Variants in HHAT observed in about 807,000 individuals in gnomAD.
The protein encoded by HHAT is protein-cysteine N-palmitoyltransferase HHAT.
HHAT carries 47 observed loss-of-function variants against 70.8 expected under a neutral mutation model. The ratio of observed to expected loss-of-function variants is 0.66; its 90% CI spans 0.53 to 0.85. HHAT has a LOEUF of 0.85. Ranked by LOEUF, HHAT falls within the 40% of genes least tolerant of loss-of-function variation. The pLI, the probability that HHAT is intolerant of heterozygous loss-of-function variation, is 0.00. For synonymous variants in HHAT, 228 were observed against 247.6 expected (o/e 0.92, Z 0.74); for missense variants, 609 against 604.8 (o/e 1.01, Z -0.07).
At chr1:210,553,714 G>A (rs191773212) in intron 9 of HHAT, among the ~76,000 whole-genome samples, 1 of 152,198 alleles carries the variant, frequency 6.6e-6, no homozygotes, top group African/African-American at 2.4e-5. Flanking sequence ...TTTATCCGTG[G>A]ACCTCAGCCT....
intron 6 of HHAT, among the ~76,000 whole-genome samples, chr1:210,408,474 T>A (rs556715627): frequency 2.6e-5 from 4 of 152,194 alleles, no homozygotes; most frequent in Non-Finnish European, 5.9e-5. Context: ...TGAGCCACCA[T>A]GCTCGGCCTC....
intron 3 of HHAT, chr1:210,374,028 A>G (rs1355402029): frequency 1.3e-5 from 2 of 152,240 alleles, no homozygotes; most frequent in Non-Finnish European, 2.9e-5. Flanking sequence ...GACATGGAAA[A>G]CAAGAGTTAA....
At position 210,339,720 on chromosome 1, in the gene HHAT, A is replaced by G. The variant is rs375493739; in HGVS notation, c.-43-9213A>G. Among the ~76,000 whole-genome samples the G allele has an allele frequency of 1.8e-4, 27 of 152,302 alleles. No homozygotes were observed. The South Asian group carries it at 5.4e-3, about 30-fold the overall frequency. On this transcript the variant is annotated intron_variant, in intron 1 of 11. Transcript: ENST00000261458. ...GTTGTGTGGTGACAGAAGTCACATG[A>G]GTGACCTCAGGAGGGACATGAACAG...
At chr1:210,420,916 A>G (rs1303643896) in intron 7 of HHAT, among the ~76,000 whole-genome samples, 2 of 152,204 alleles carry the variant, frequency 1.3e-5, no homozygotes, top group Non-Finnish European at 2.9e-5. Flanking sequence ...GTTCAAATAT[A>G]TATGTATTCT....
At position 210,413,813 on chromosome 1, in the gene HHAT, C is replaced by G. The variant is rs145670031; in HGVS notation, c.685-4341C>G. On this transcript the variant is annotated intron_variant, in intron 6 of 11. Transcript: ENST00000261458. ...TTCTTTAAGAATATTGAGGCTTTCT[C>G]TGCAGCTCTTCTCCTTTCCTTCTGA... Among the ~76,000 whole-genome samples, 25 of 152,340 alleles carry G rather than the reference C, an allele frequency of 1.6e-4. No homozygotes were observed. In the East Asian group the frequency reaches 4.6e-3, roughly 28 times the overall value.
intron 7 of HHAT, among the ~76,000 whole-genome samples, chr1:210,442,849 A>C (rs958353385): frequency 2.6e-5 from 4 of 152,152 alleles, no homozygotes; most frequent in African/African-American, 4.8e-5. Context: ...GAAGCTGTTT[A>C]GTTTAATTAG....
At chr1:210,504,002 A>G (rs549946379) in intron 8 of HHAT, among the ~76,000 whole-genome samples, 2 of 152,358 alleles carry the variant, frequency 1.3e-5, no homozygotes, top group South Asian at 4.1e-4. Flanking sequence ...ATGATCCACA[A>G]TAAGAAAAAC....
At chr1:210,542,496 A>AAAAT (rs56743887) in intron 9 of HHAT, among the ~76,000 whole-genome samples, 6,595 of 149,222 alleles carry the variant, frequency 0.044, 365 homozygotes, top group East Asian at 0.26. Context: ...TTAAAAAAAA[A>AAAAT]ATATATATAT....
At chr1:210,459,856 T>C (rs1393197019) in intron 7 of HHAT, among the ~76,000 whole-genome samples, 1 of 152,246 alleles carries the variant, frequency 6.6e-6, no homozygotes, top group Non-Finnish European at 1.5e-5. Context: ...GTTCTGTTGG[T>C]TGACTGTACT....
intron 7 of HHAT, among the ~76,000 whole-genome samples, chr1:210,451,667 C>A (rs759268013): frequency 1.3e-5 from 2 of 152,166 alleles, no homozygotes; most frequent in Non-Finnish European, 2.9e-5. Flanking sequence ...CACCCTTGAA[C>A]TCTTGGGATC....
chr1:210,374,268 A>G (rs1304312875), intron 3 of HHAT: 5 of 60,868 alleles, frequency 8.2e-5, no homozygotes, highest in Admixed American at 4.2e-4. Context: ...AAACCAGTGT[A>G]ATGCTACAAA....
At chr1:210,379,567 T>A (rs901953431) in intron 3 of HHAT, among the ~76,000 whole-genome samples, 1 of 152,254 alleles carries the variant, frequency 6.6e-6, no homozygotes, top group Non-Finnish European at 1.5e-5. Flanking sequence ...TCTAGAACTT[T>A]CTTCTTTCCT....
intron 11 of HHAT, among the ~76,000 whole-genome samples, chr1:210,664,180 G>C (rs1678399465): frequency 6.6e-6 from 1 of 152,204 alleles, no homozygotes; most frequent in South Asian, 2.1e-4. Flanking sequence ...CCTCTGATGG[G>C]AGAAGGCTCC....
At position 210,397,780 on chromosome 1, in the gene HHAT, C is replaced by T. The variant is rs183667189; in HGVS notation, c.274-2688C>T. ...TCTTCTGCTGCCCAAAGAAGCAGGC[C>T]GTCCATGCTGCTGCCCACCCTGCTG... is the stretch of plus-strand genomic sequence containing the variant. On this transcript the variant is annotated intron_variant, in intron 4 of 11. Transcript: ENST00000261458. Among the ~76,000 whole-genome samples, 65 of 152,236 alleles carry T rather than the reference C, an allele frequency of 4.3e-4. 2 individuals are homozygous for T. Among genetic ancestry groups the T allele is most frequent in the Admixed American group, 3.3e-4 (5 of 15,284 alleles).
intron 2 of HHAT, among the ~76,000 whole-genome samples, chr1:210,360,372 A>G (rs2088154270): frequency 6.7e-6 from 1 of 150,056 alleles, no homozygotes; most frequent in Non-Finnish European, 1.5e-5. Flanking sequence ...GTGCAATGGT[A>G]TGATCTAGGC....
intron 10 of HHAT, among the ~76,000 whole-genome samples, chr1:210,615,086 T>G (rs1361011614): frequency 6.6e-6 from 1 of 152,248 alleles, no homozygotes; most frequent in Non-Finnish European, 1.5e-5. Context: ...GTTTCCTGAC[T>G]TTTTAATGAT....
rs536576987 is a variant in HHAT at position 210,653,421 on chromosome 1, G to A, written c.1391-20867G>A. 5.3e-5 allele frequency among the ~76,000 whole-genome samples: 8 copies of A among 151,974 alleles called. No homozygotes were observed. The South Asian group carries it at 1.5e-3, about 28-fold the overall frequency. On this transcript the variant is annotated intron_variant, in intron 11 of 11. Transcript: ENST00000261458. Reference sequence around the variant, plus strand: ...CCTGTGCTCCCAGCTACTTGGGGGAGAGGGGTGCTGAGGTGGGAGAATTGC... The same window carrying A: ...CCTGTGCTCCCAGCTACTTGGGGGAAAGGGGTGCTGAGGTGGGAGAATTGC...
intron 9 of HHAT, among the ~76,000 whole-genome samples, chr1:210,575,458 G>A (rs1168643032): frequency 1.3e-5 from 2 of 152,146 alleles, no homozygotes; most frequent in African/African-American, 4.8e-5. Context: ...CAAAGAATCT[G>A]TTTTATATGG....
At chr1:210,512,514 A>C (rs1252877633) in intron 8 of HHAT, among the ~76,000 whole-genome samples, 1 of 151,870 alleles carries the variant, frequency 6.6e-6, no homozygotes, top group Non-Finnish European at 1.5e-5. Context: ...CTACTAAAAA[A>C]ATTAAATATT....
Sources: allele counts gnomAD v4.1 joint callset (sites outside exome capture counted in the v4.1 genomes callset), GRCh38; gene constraint gnomAD v4.1.1; transcripts MANE v1.5; gene names NCBI Gene and HGNC (gene_info 2026-07-23, HGNC 2026-07-21).